Variants in EPHA5 observed in about 807,000 individuals in gnomAD.
The protein encoded by EPHA5 is EPH receptor A5.
Under a neutral mutation model 105.0 loss-of-function variants are expected in EPHA5, and 60 were observed. That is an observed-to-expected ratio of 0.57 (90% CI 0.46 to 0.71). The LOEUF is 0.71. Ranked by LOEUF, EPHA5 falls within the 30% of genes least tolerant of loss-of-function variation. EPHA5 has a pLI of 0.00. For synonymous variants in EPHA5, 513 were observed against 449.1 expected (o/e 1.14, Z -1.80); for missense variants, 1,218 against 1,274.7 (o/e 0.96, Z 0.68).
At chr4:65,332,797 C>CTA (rs955996052) in intron 15 of EPHA5, among the ~76,000 whole-genome samples, 1 of 151,898 alleles carries the variant, frequency 6.6e-6, no homozygotes, top group Non-Finnish European at 1.5e-5. Context: ...ATGCTACCCA[C>CTA]TATAGCTATG....
chr4:65,630,749 G>A (rs1746555635), intron 2 of EPHA5, among the ~76,000 whole-genome samples: 2 of 152,156 alleles, frequency 1.3e-5, no homozygotes, highest in Admixed American at 6.5e-5. Flanking sequence ...TTCGCCGCTG[G>A]TAACAGTCAG....
chr4:65,464,458 T>C (rs1728424466), intron 5 of EPHA5, among the ~76,000 whole-genome samples: 1 of 152,076 alleles, frequency 6.6e-6, no homozygotes, highest in African/African-American at 2.4e-5. Flanking sequence ...TTAATCTAAA[T>C]AGATAATAAT....
chr4:65,500,867 A>C (rs560695557), intron 3 of EPHA5, among the ~76,000 whole-genome samples: 363 of 151,166 alleles, frequency 2.4e-3, no homozygotes, highest in African/African-American at 8.4e-3. Flanking sequence ...AAGGAAATTG[A>C]GTTAAAAAGG....
chr4:65,354,541 A>G (rs922609932), intron 11 of EPHA5, among the ~76,000 whole-genome samples: 1 of 151,752 alleles, frequency 6.6e-6, no homozygotes, highest in East Asian at 1.9e-4. Flanking sequence ...TAAAATTACC[A>G]TATATGTCCA....
At chr4:65,564,217 A>G (rs1209401581) in intron 3 of EPHA5, among the ~76,000 whole-genome samples, 2 of 151,928 alleles carry the variant, frequency 1.3e-5, no homozygotes, top group Non-Finnish European at 2.9e-5. Context: ...GGAATACCAC[A>G]TAGACACCAA....
intron 2 of EPHA5, among the ~76,000 whole-genome samples, chr4:65,638,783 G>A (rs1182834368): frequency 6.6e-6 from 1 of 152,082 alleles, no homozygotes; most frequent in African/African-American, 2.4e-5. Flanking sequence ...AATGAATGGA[G>A]CAATAGGGTT....
chr4:65,398,156 G>A (rs1436527749), intron 8 of EPHA5, among the ~76,000 whole-genome samples: 6 of 152,156 alleles, frequency 3.9e-5, no homozygotes, highest in Admixed American at 1.3e-4. Context: ...GCCCCTGTAG[G>A]CTCAGAAGGG....
intron 3 of EPHA5, among the ~76,000 whole-genome samples, chr4:65,501,178 A>C (rs186077031): frequency 6.6e-6 from 1 of 151,696 alleles, no homozygotes; most frequent in Admixed American, 6.6e-5. Flanking sequence ...TATTTTATAT[A>C]GTATAAATAT....
At chr4:65,602,956 T>C (rs1743882638) in intron 2 of EPHA5, among the ~76,000 whole-genome samples, 1 of 152,102 alleles carries the variant, frequency 6.6e-6, no homozygotes, top group Non-Finnish European at 1.5e-5. Flanking sequence ...CATAGATTTA[T>C]CTACATATAT....
chr4:65,479,961 T>C (rs558245363), intron 5 of EPHA5, among the ~76,000 whole-genome samples: 31 of 152,140 alleles, frequency 2.0e-4, no homozygotes, highest in Admixed American at 4.6e-4. Flanking sequence ...AGTAGGTACA[T>C]AAGAAAATAT....
intron 2 of EPHA5, among the ~76,000 whole-genome samples, chr4:65,631,814 TA>T (rs1267939840): frequency 6.6e-6 from 1 of 151,998 alleles, no homozygotes; most frequent in African/African-American, 2.4e-5. Flanking sequence ...TGAGTTTCTC[TA>T]TTAATCAGGA....
chr4:65,652,270 G>C (rs1222641085), intron 1 of EPHA5, among the ~76,000 whole-genome samples: 1 of 152,116 alleles, frequency 6.6e-6, no homozygotes, highest in Non-Finnish European at 1.5e-5. Context: ...TCATTGCATA[G>C]AGAATACTCA....
chr4:65,442,776 G>T, intron 5 of EPHA5, among the ~76,000 whole-genome samples: 1 of 152,082 alleles, frequency 6.6e-6, no homozygotes. Context: ...AAACATTTTT[G>T]AAGACACTTT....
At chr4:65,580,051 A>G (rs747252410) in intron 3 of EPHA5, among the ~76,000 whole-genome samples, 9 of 151,914 alleles carry the variant, frequency 5.9e-5, no homozygotes, top group Non-Finnish European at 8.8e-5. Flanking sequence ...GCCTGCTAAT[A>G]ATCCAATGAC....
At chr4:65,406,943 C>T (rs1007044052) in intron 7 of EPHA5, among the ~76,000 whole-genome samples, 38 of 151,968 alleles carry the variant, frequency 2.5e-4, no homozygotes, top group African/African-American at 7.7e-4. Flanking sequence ...TCTGCTTGTT[C>T]ATTAATTATC....
intron 2 of EPHA5, among the ~76,000 whole-genome samples, chr4:65,608,059 C>T (rs1005213952): frequency 2.0e-5 from 3 of 151,878 alleles, no homozygotes; most frequent in Admixed American, 6.6e-5. Context: ...AGGGAGTGGG[C>T]GGCTAGGGGA....
At chr4:65,386,081 G>T (rs1005918565) in intron 8 of EPHA5, among the ~76,000 whole-genome samples, 3 of 151,748 alleles carry the variant, frequency 2.0e-5, no homozygotes, top group African/African-American at 4.8e-5. Flanking sequence ...ACATTTTAAA[G>T]ATTTTTTTAT....
At chr4:65,626,402 T>C (rs1746166855) in intron 2 of EPHA5, among the ~76,000 whole-genome samples, 2 of 152,222 alleles carry the variant, frequency 1.3e-5, no homozygotes, top group African/African-American at 4.8e-5. Context: ...TAATAGCTAT[T>C]TTCATTATTG....
intron 3 of EPHA5, among the ~76,000 whole-genome samples, chr4:65,496,628 A>G (rs901002820): frequency 5.3e-5 from 8 of 151,402 alleles, no homozygotes; most frequent in African/African-American, 1.9e-4. Flanking sequence ...CCAGTCTATC[A>G]TTGTTGGACA....
Sources: gnomAD v4.1 joint callset for allele counts (sites outside exome capture counted in the v4.1 genomes callset) on GRCh38, gnomAD v4.1.1 for gene constraint, MANE v1.5 for transcripts, NCBI Gene and HGNC (gene_info 2026-07-23, HGNC 2026-07-21) for gene names.